SLC17A5: variants seen among roughly 807,000 people sequenced by gnomAD.
SLC17A5 encodes the protein sialin.
Under a neutral mutation model 59.4 loss-of-function variants are expected in SLC17A5, and 47 were observed. The observed-to-expected ratio is 0.79, with a 90% CI of 0.63 to 1.01. SLC17A5 has a LOEUF of 1.01. SLC17A5 is among the 50% of genes least tolerant of loss of function. SLC17A5 has a pLI of 0.00. For synonymous variants in SLC17A5, 202 were observed against 210.7 expected, an observed-to-expected ratio of 0.96 and a Z score of 0.36; for missense variants, 522 against 595.5, an observed-to-expected ratio of 0.88 and a Z score of 1.28.
chr6:73,644,742 G>T, intron 1 of SLC17A5, 139 bp from the exon 2 acceptor site: 1 of 731,078 alleles, frequency 1.4e-6, no homozygotes. Flanking sequence ...AAAGTGCTGT[G>T]ATTATAGGCA....
chr6:73,607,248 T>A (rs997416065), intron 9 of SLC17A5, among the ~76,000 whole-genome samples: 1 of 152,134 alleles, frequency 6.6e-6, no homozygotes, highest in Admixed American at 6.6e-5. Flanking sequence ...TTCTTTTTCT[T>A]CAGCATCTAT....
intron 1 of SLC17A5, among the ~76,000 whole-genome samples, chr6:73,647,312 A>G (rs892849296): frequency 6.6e-6 from 1 of 152,270 alleles, no homozygotes; most frequent in Non-Finnish European, 1.5e-5. Context: ...GATCACTTAA[A>G]GGACTACTGT....
chr6:73,616,588 T>C (rs1767883272), intron 7 of SLC17A5, among the ~76,000 whole-genome samples: 1 of 143,494 alleles, frequency 7.0e-6, no homozygotes, highest in Admixed American at 7.1e-5. Context: ...CACGTTTATT[T>C]TTAACAGAAC....
At chr6:73,619,054 T>C (rs961365853) in intron 7 of SLC17A5, among the ~76,000 whole-genome samples, 3 of 152,078 alleles carry the variant, frequency 2.0e-5, no homozygotes, top group African/African-American at 7.2e-5. Flanking sequence ...AATTTCAATA[T>C]TGTTGTGTCT....
At chr6:73,615,175 G>T in intron 8 of SLC17A5, 140 bp downstream of exon 8, 1 of 925,364 alleles carries the variant, frequency 1.1e-6, no homozygotes, top group Non-Finnish European at 1.7e-6. Context: ...ACATTTTGGT[G>T]ATTAGAGCGA....
intron 8 of SLC17A5, among the ~76,000 whole-genome samples, chr6:73,612,918 G>A (rs1228481488): frequency 1.3e-5 from 2 of 152,078 alleles, no homozygotes; most frequent in Admixed American, 1.3e-4. Flanking sequence ...GCTGGGTGCT[G>A]TGGCGTGACC....
chr6:73,623,542 C>T (rs1768252789), intron 6 of SLC17A5, among the ~76,000 whole-genome samples: 1 of 151,974 alleles, frequency 6.6e-6, no homozygotes, highest in Admixed American at 6.6e-5. Context: ...TCATGTTGGC[C>T]AGGCTGGTTT....
intron 6 of SLC17A5, among the ~76,000 whole-genome samples, chr6:73,628,696 T>G (rs1024463946): frequency 1.3e-5 from 2 of 152,052 alleles, no homozygotes; most frequent in African/African-American, 4.8e-5. Flanking sequence ...TAATGGAATT[T>G]GTGAAGGAAA....
chr6:73,644,901 T>C (rs1769469420), intron 1 of SLC17A5, among the ~76,000 whole-genome samples: 1 of 152,248 alleles, frequency 6.6e-6, no homozygotes, highest in Admixed American at 6.5e-5. Flanking sequence ...AAGAAACATT[T>C]GTCAAAGATT....
chr6:73,601,561 A>G (rs376930836), intron 9 of SLC17A5, among the ~76,000 whole-genome samples: 1 of 36,096 alleles, frequency 2.8e-5, no homozygotes, highest in African/African-American at 1.8e-4. Flanking sequence ...AGGTGAGGGG[A>G]GCCTCTGCCC....
chr6:73,599,316 T>A (rs1581952362), intron 10 of SLC17A5, among the ~76,000 whole-genome samples: 2 of 152,256 alleles, frequency 1.3e-5, no homozygotes, highest in East Asian at 1.9e-4. Context: ...GGCTTATGCA[T>A]CCACCTGCCT....
intron 1 of SLC17A5, 48 bp from the exon 2 acceptor site, chr6:73,644,651 T>G (rs754787675): frequency 3.9e-5 from 59 of 1,524,756 alleles, no homozygotes; most frequent in Non-Finnish European, 4.8e-5. Flanking sequence ...AAATTTTTAT[T>G]TTTAGAGACA....
At chr6:73,597,448 C>G (rs1433930867) in intron 10 of SLC17A5, among the ~76,000 whole-genome samples, 2 of 149,400 alleles carry the variant, frequency 1.3e-5, no homozygotes, top group African/African-American at 4.9e-5. Context: ...GCCTGGGCAA[C>G]AGAGTGAGAC....
chr6:73,653,178 A>G (rs1045228121), intron 1 of SLC17A5: 12 of 985,352 alleles, frequency 1.2e-5, no homozygotes, highest in Non-Finnish European at 1.4e-5. Context: ...TCAAGATATC[A>G]GCTGGGTTAT....
intron 6 of SLC17A5, among the ~76,000 whole-genome samples, chr6:73,630,930 C>T (rs776565385): frequency 3.3e-5 from 5 of 149,604 alleles, no homozygotes; most frequent in Admixed American, 2.0e-4. Context: ...CCTGTTATCC[C>T]GGCTACTCGG....
intron 1 of SLC17A5, among the ~76,000 whole-genome samples, chr6:73,645,862 G>A (rs1421743832): frequency 6.6e-6 from 1 of 150,728 alleles, no homozygotes; most frequent in Non-Finnish European, 1.5e-5. Flanking sequence ...GTGAGAGGAG[G>A]AGTTTGACCT....
chr6:73,630,845 G>A (rs539946465), intron 6 of SLC17A5, among the ~76,000 whole-genome samples: 12 of 152,184 alleles, frequency 7.9e-5, no homozygotes, highest in Non-Finnish European at 1.0e-4. Flanking sequence ...TTGGGAGTTC[G>A]AGACCAGCCT....
chr6:73,626,220 GA>G (rs1396724394), intron 6 of SLC17A5, among the ~76,000 whole-genome samples: 1 of 152,156 alleles, frequency 6.6e-6, no homozygotes, highest in Non-Finnish European at 1.5e-5. Context: ...TTGATAATCT[GA>G]TGTTTTTGAA....
intron 3 of SLC17A5, among the ~76,000 whole-genome samples, chr6:73,641,099 T>G (rs62440465): frequency 0.056 from 8,480 of 152,214 alleles, 419 homozygotes; most frequent in Admixed American, 0.16. Context: ...TTTTTTCTTT[T>G]GAGATGGAGA....
Sources: gnomAD v4.1 joint callset for allele counts (sites outside exome capture counted in the v4.1 genomes callset) on GRCh38, gnomAD v4.1.1 for gene constraint, MANE v1.5 for transcripts, NCBI Gene and HGNC (gene_info 2026-07-23, HGNC 2026-07-21) for gene names.